The following LEF1 variants were observed in gnomAD, a reference collection of about 807,000 sequenced individuals.
The protein encoded by LEF1 is lymphoid enhancer-binding factor 1.
LEF1 carries 14 observed loss-of-function variants against 51.2 expected under a neutral mutation model. The ratio of observed to expected loss-of-function variants is 0.27; its 90% CI spans 0.18 to 0.43. The LOEUF (loss-of-function observed/expected upper bound fraction) is 0.43. Among genes scored for constraint, LEF1 ranks in the 20% least tolerant of loss-of-function variants. LEF1 has a pLI of 1.00. For synonymous variants in LEF1, 185 were observed against 183.2 expected, an observed-to-expected ratio of 1.01 and a Z score of -0.08; for missense variants, 386 against 512.0, an observed-to-expected ratio of 0.75 and a Z score of 2.37.
rs1736761871 is a variant in LEF1 at position 108,048,438 on chromosome 4, G to T, written c.*320C>A. 5.9e-6 allele frequency: 2 copies of T among 337,834 alleles called. No individual in the cohort carries two copies. The highest frequency in any genetic ancestry group is 9.2e-5 in the East Asian group (2 of 21,846). The allele number at this position is 337,834 out of a possible 1,614,324, so 20.9% of individuals were successfully genotyped here. A position where few individuals can be genotyped will look rare whatever the true frequency, so the allele number is the denominator to read the frequency against. Reference sequence around the variant, plus strand: ...TGGGAAGTGCACGCAGATATGAGGGGAGAAAAGCTGCTCAGCTGCCCCACA... The same window carrying T: ...TGGGAAGTGCACGCAGATATGAGGGTAGAAAAGCTGCTCAGCTGCCCCACA... On this transcript the variant is annotated 3_prime_UTR_variant, in exon 12 of 12. Coordinates refer to ENST00000265165, the MANE Select transcript of LEF1 (RefSeq NM_016269.5).
rs965529689 is a variant in LEF1 at position 108,103,201 on chromosome 4, G to A, written c.415-13944C>T. Among the ~76,000 whole-genome samples, 33 of 152,172 alleles carry A rather than the reference G, an allele frequency of 2.2e-4. 1 individual carries two copies. The highest frequency in any genetic ancestry group is 1.3e-4 in the Admixed American group (2 of 15,278). On this transcript the variant is annotated intron_variant, in intron 3 of 11. Transcript: ENST00000265165. ...AACAAAGCATCACTATGGAACCTTC[G>A]CCTTCCTCCTAAAATGCTGTCATCA...
chr4:108,095,476 C>T (rs1740318496), intron 3 of LEF1, among the ~76,000 whole-genome samples: 1 of 152,060 alleles, frequency 6.6e-6, no homozygotes, highest in Admixed American at 6.6e-5. Flanking sequence ...CTCTTCCTGC[C>T]CCACACTGTT....
intron 3 of LEF1, among the ~76,000 whole-genome samples, chr4:108,157,985 T>A (rs537946508): frequency 2.6e-5 from 4 of 152,326 alleles, no homozygotes; most frequent in Admixed American, 6.5e-5. Flanking sequence ...TCCTGCTCCC[T>A]GTCCAGTCCT....
Position 108,048,481 on chromosome 4 carries a change from T to C in LEF1, c.*277A>G. On this transcript the variant is annotated 3_prime_UTR_variant, in exon 12 of 12. Transcript: ENST00000265165. ...GCCCCACAGCCTGCTAGCATTCTCATGTGCTTTTACATTTCCTTTTAAAAA... is the reference window on the plus strand; with the variant it reads ...GCCCCACAGCCTGCTAGCATTCTCACGTGCTTTTACATTTCCTTTTAAAAA... The C allele has an allele frequency of 2.5e-6, 1 of 408,008 alleles. No individual in the cohort carries two copies. The allele number at this position is 408,008 out of a possible 1,614,324, so 25.3% of individuals were successfully genotyped here.
Position 108,070,672 on chromosome 4 carries a change from T to C in LEF1, c.1107A>G (p.Arg369=). ...TGGAGGAGGGGCTTACATAATTGTC[T>C]CTTGCAGACCAGCCTGGATAAAGCT... ...HMQLYPGWSA[R]DNYGKKKKRK... The change falls in exon 9 of 12, where the codon AGA becomes AGG. Residue 369 remains arginine (R), a synonymous_variant. Transcript: ENST00000265165. 4 of 1,611,872 alleles carry C rather than the reference T, an allele frequency of 2.5e-6. No individual in the cohort carries two copies. The highest frequency in any genetic ancestry group is 2.5e-6 in the Non-Finnish European group (3 of 1,178,018).
intron 3 of LEF1, among the ~76,000 whole-genome samples, chr4:108,089,619 A>G (rs1453186425): frequency 1.3e-5 from 2 of 152,222 alleles, no homozygotes. Flanking sequence ...GAATTACAGC[A>G]AAATTTATGA....
chr4:108,138,003 G>A (rs1432311577), intron 3 of LEF1, among the ~76,000 whole-genome samples: 1 of 152,064 alleles, frequency 6.6e-6, no homozygotes, highest in African/African-American at 2.4e-5. Context: ...AAACCTAAGA[G>A]GTTAACAAAT....
intron 11 of LEF1, among the ~76,000 whole-genome samples, chr4:108,060,780 A>T (rs767277418): frequency 6.6e-6 from 1 of 152,022 alleles, no homozygotes; most frequent in Non-Finnish European, 1.5e-5. Context: ...TCACAGCAAC[A>T]TAACAAGCAC....
At chr4:108,165,593 G>A (rs968255857) in intron 1 of LEF1, among the ~76,000 whole-genome samples, 1 of 152,150 alleles carries the variant, frequency 6.6e-6, no homozygotes, top group African/African-American at 2.4e-5. Flanking sequence ...ATATCATTTT[G>A]CAACTGAAAA....
intron 4 of LEF1, among the ~76,000 whole-genome samples, chr4:108,085,848 G>A (rs1213775134): frequency 6.6e-6 from 1 of 152,078 alleles, no homozygotes; most frequent in Non-Finnish European, 1.5e-5. Flanking sequence ...TCTTCATTTT[G>A]TTTTATAGTT....
intron 2 of LEF1, 28 bp downstream of exon 2, chr4:108,165,069 G>A: frequency 1.2e-6 from 2 of 1,605,908 alleles, no homozygotes; most frequent in Non-Finnish European, 1.7e-6. Flanking sequence ...ATCTGCTAAA[G>A]TCAGAAGAAG....
At chr4:108,069,872 C>A (rs573095798) in intron 9 of LEF1, among the ~76,000 whole-genome samples, 1 of 151,120 alleles carries the variant, frequency 6.6e-6, no homozygotes, top group Admixed American at 6.6e-5. Context: ...GCAGAAGAAT[C>A]GCTTGAACCC....
At chr4:108,099,564 G>GTC (rs1553953072) in intron 3 of LEF1, among the ~76,000 whole-genome samples, 1 of 59,340 alleles carries the variant, frequency 1.7e-5, no homozygotes, top group South Asian at 6.0e-4. Context: ...GTATGTGTGT[G>GTC]TGTGTGTATA....
chr4:108,103,056 T>C (rs1016933696), intron 3 of LEF1, among the ~76,000 whole-genome samples: 1 of 152,256 alleles, frequency 6.6e-6, no homozygotes, highest in African/African-American at 2.4e-5. Context: ...GCCCATTTTC[T>C]GGTTCTCTAA....
intron 8 of LEF1, chr4:108,072,729 C>G (rs980824663): frequency 6.6e-6 from 1 of 152,154 alleles, no homozygotes; most frequent in Admixed American, 6.5e-5. Context: ...TTAGACAAAT[C>G]GAGCCTGAGA....
At chr4:108,126,963 A>G (rs375904567) in intron 3 of LEF1, among the ~76,000 whole-genome samples, 4 of 151,956 alleles carry the variant, frequency 2.6e-5, no homozygotes, top group African/African-American at 9.7e-5. Flanking sequence ...TAATCTAATG[A>G]GGGGGATGAG....
rs375113302 is a variant in LEF1, at chr4:108,057,574, T to G, written c.*6+6049A>C. ...ACAGCTCCTGGCAGACCCTCAGGGT[T>G]GCAGTCCTCTCACTGGTGCTTCTAT... On this transcript the variant is annotated intron_variant, in intron 11 of 11. Coordinates refer to ENST00000265165, the MANE Select transcript of LEF1 (RefSeq NM_016269.5). 2.0e-4 allele frequency among the ~76,000 whole-genome samples: 30 copies of G among 152,320 alleles called. No homozygotes were observed. In the East Asian group the frequency reaches 4.3e-3, roughly 22 times the overall value.
chr4:108,048,590 C>G lies in LEF1; in HGVS notation c.*168G>C, dbSNP rs1053216215. ...AGTGATTGTCTTTATGGATCAGCGTCTCTAGCAGTGACCTCAGGGTAAAAT... is the reference window on the plus strand; with the variant it reads ...AGTGATTGTCTTTATGGATCAGCGTGTCTAGCAGTGACCTCAGGGTAAAAT... On this transcript the variant is annotated 3_prime_UTR_variant, in exon 12 of 12. Transcript: ENST00000265165. 2 of 805,206 alleles carry G rather than the reference C, an allele frequency of 2.5e-6. No individual in the cohort carries two copies. Among genetic ancestry groups the G allele is most frequent in the Non-Finnish European group, 1.9e-6 (1 of 521,214 alleles). 49.9% of individuals were successfully genotyped at this position (805,206 alleles called of 1,614,324 possible).
intron 3 of LEF1, among the ~76,000 whole-genome samples, chr4:108,162,472 G>A (rs971934201): frequency 7.9e-5 from 12 of 152,174 alleles, no homozygotes; most frequent in Admixed American, 2.0e-4. Context: ...CTCTGCTAGT[G>A]AATCTTCTCA....
Sources: allele counts gnomAD v4.1 joint callset (sites outside exome capture counted in the v4.1 genomes callset), GRCh38; gene constraint gnomAD v4.1.1; transcripts MANE v1.5; gene names NCBI Gene and HGNC (gene_info 2026-07-23, HGNC 2026-07-21).